Variants in TVP23C observed in about 807,000 individuals in gnomAD.
The protein encoded by TVP23C is trans-golgi network vesicle protein 23 homolog C, also known as Golgi apparatus membrane protein TVP23 homolog C.
Under a neutral mutation model 28.7 loss-of-function variants are expected in TVP23C, and 19 were observed. The ratio of observed to expected loss-of-function variants is 0.66; its 90% CI spans 0.46 to 0.97. The LOEUF (loss-of-function observed/expected upper bound fraction) is 0.97. Among genes scored for constraint, TVP23C ranks in the 50% least tolerant of loss-of-function variants. The pLI, the probability that TVP23C is intolerant of heterozygous loss-of-function variation, is 0.00. For synonymous variants in TVP23C, 68 were observed against 81.7 expected (o/e 0.83, Z 0.90); for missense variants, 186 against 241.3 (o/e 0.77, Z 1.52).
intron 3 of TVP23C, among the ~76,000 whole-genome samples, chr17:15,549,009 T>C (rs1441949255): frequency 6.6e-6 from 1 of 152,220 alleles, no homozygotes; most frequent in Non-Finnish European, 1.5e-5. Flanking sequence ...CCTCAGATAA[T>C]GGGGGAACTA....
chr17:15,506,071 C>T (rs1597500338), intron 5 of TVP23C, among the ~76,000 whole-genome samples: 1 of 152,254 alleles, frequency 6.6e-6, no homozygotes, highest in South Asian at 2.1e-4. Context: ...CTGAGGAGTG[C>T]GAGCGCACGG....
chr17:15,529,882 T>C (rs150361498), intron 5 of TVP23C, among the ~76,000 whole-genome samples: 7,805 of 152,148 alleles, frequency 0.051, 270 homozygotes, highest in Non-Finnish European at 0.072. Context: ...CACTGCAACC[T>C]CCGCCTCCTG....
In TVP23C at chr17:15,538,612, A is replaced by C; in HGVS notation, c.*1800T>G. 1.0e-6 allele frequency: 1 copy of C among 984,946 alleles called. No homozygotes were observed. Among genetic ancestry groups the C allele is most frequent in the Non-Finnish European group, 1.2e-6 (1 of 829,570 alleles). 61.0% of individuals were successfully genotyped at this position (984,946 alleles called of 1,614,324 possible). A position where few individuals can be genotyped will look rare whatever the true frequency, so the allele number is the denominator to read the frequency against. On this transcript the variant is annotated 3_prime_UTR_variant, in exon 6 of 6. Coordinates refer to ENST00000518321, the MANE Select transcript of TVP23C (RefSeq NM_001135036.2). ...TCTCAAAAAAAATAAATAAATAAAA[A>C]AGTAGACATGCGCTAATGAAGTAAA...
At position 15,503,151 on chromosome 17, in the gene TVP23C, C is replaced by T. The variant is rs372661113; in HGVS notation, c.544G>A (p.Gly182Arg). The T allele has an allele frequency of 4.4e-6, 7 of 1,602,208 alleles. No individual in the cohort carries two copies. In the African/African-American group the frequency reaches 8.0e-5, roughly 18 times the overall value. ...GGGCAGCGGCTCACGCCTGTTATCC[C>T]AGCGCTTTGGAAGGCGGAAGCGGGA... The change falls in exon 6 of 6, where the codon GGG becomes AGG. Residue 182 changes from glycine (G) to arginine (R), a missense_variant. Coordinates refer to the TVP23C transcript ENST00000225576.
At position 15,539,256 on chromosome 17, in the gene TVP23C, CATA is replaced by C. The variant is rs1686044432; in HGVS notation, c.*1153_*1155del. 1.0e-6 allele frequency: 1 copy of C among 985,214 alleles called. No homozygotes were observed. The highest frequency in any genetic ancestry group is 1.2e-6 in the Non-Finnish European group (1 of 829,880). 61.0% of individuals were successfully genotyped at this position (985,214 alleles called of 1,614,324 possible). A position where few individuals can be genotyped will look rare whatever the true frequency, so the allele number is the denominator to read the frequency against. On this transcript the variant is annotated 3_prime_UTR_variant, in exon 6 of 6. Transcript: ENST00000518321. The stretch of plus-strand genomic sequence containing the variant: ...TTCGAGTTTAAGAATCCCTGTCCTA[CATA>C]ATATCACTTGCCCAACCTACTGTAC...
At chr17:15,549,755 A>C (rs111983006) in intron 3 of TVP23C, among the ~76,000 whole-genome samples, 2 of 152,284 alleles carry the variant, frequency 1.3e-5, no homozygotes, top group East Asian at 1.9e-4. Context: ...GAGAGGCCTT[A>C]AGTTGTGAGG....
At chr17:15,528,077 TCTA>T (rs997133232) in intron 5 of TVP23C, among the ~76,000 whole-genome samples, 1 of 152,134 alleles carries the variant, frequency 6.6e-6, no homozygotes, top group Non-Finnish European at 1.5e-5. Flanking sequence ...TGTTGTTTTC[TCTA>T]CTGTTTTTCA....
intron 3 of TVP23C, among the ~76,000 whole-genome samples, chr17:15,551,212 C>T (rs963335707): frequency 4.0e-5 from 6 of 151,758 alleles, no homozygotes; most frequent in Non-Finnish European, 8.8e-5. Flanking sequence ...CCGCCTCCTG[C>T]CTCAGCCTCC....
At chr17:15,523,186 A>G (rs1982557752) in intron 5 of TVP23C, among the ~76,000 whole-genome samples, 1 of 150,094 alleles carries the variant, frequency 6.7e-6, no homozygotes, top group African/African-American at 2.5e-5. Context: ...TTGTATTTTA[A>G]TAGAGATGGG....
In TVP23C at chr17:15,542,334, G is replaced by T. The variant is rs1239714639; in HGVS notation, c.463-1773C>A. On this transcript the variant is annotated intron_variant, in intron 5 of 5. Transcript: ENST00000518321. Reference sequence around the variant, plus strand: ...ACCGGGTGGGAAGAAGGCAGGAGACGAAGCGCAGAAGGATCAATAATCATG... The same window carrying T: ...ACCGGGTGGGAAGAAGGCAGGAGACTAAGCGCAGAAGGATCAATAATCATG... Among the ~76,000 whole-genome samples the T allele has an allele frequency of 3.3e-5, 5 of 152,336 alleles. 1 individual carries two copies. In the South Asian group the frequency reaches 1.0e-3, roughly 32 times the overall value.
At chr17:15,551,683 A>AT (rs11369260) in intron 3 of TVP23C, among the ~76,000 whole-genome samples, 136,276 of 149,236 alleles carry the variant, frequency 0.91, 63,096 homozygotes, top group Non-Finnish European at 0.99. Flanking sequence ...TTTGTGTGCG[A>AT]TTTTTTTTTT....
chr17:15,524,386 A>G (rs1982631002), intron 5 of TVP23C, among the ~76,000 whole-genome samples: 1 of 152,176 alleles, frequency 6.6e-6, no homozygotes, highest in Non-Finnish European at 1.5e-5. Flanking sequence ...TAGGTACTTT[A>G]GAATAAAGAT....
chr17:15,525,473 G>A (rs1306555603), intron 5 of TVP23C, among the ~76,000 whole-genome samples: 2 of 152,294 alleles, frequency 1.3e-5, no homozygotes, highest in East Asian at 3.9e-4. Context: ...TTACTGTGTG[G>A]GAATGTCTCA....
chr17:15,553,857 T>C, intron 2 of TVP23C, 28 bp from the exon 3 acceptor site: 2 of 1,612,842 alleles, frequency 1.2e-6, no homozygotes, highest in Non-Finnish European at 1.7e-6. Flanking sequence ...ATGAAAGAAA[T>C]GCAATTACAT....
chr17:15,506,617 T>C (rs1981758124), intron 5 of TVP23C, among the ~76,000 whole-genome samples: 1 of 152,228 alleles, frequency 6.6e-6, no homozygotes, highest in African/African-American at 2.4e-5. Flanking sequence ...TAAATCTTGC[T>C]ACTGCTCACT....
chr17:15,534,332 A>G (rs1597525216), downstream of TVP23C, among the ~76,000 whole-genome samples: 1 of 152,346 alleles, frequency 6.6e-6, no homozygotes, highest in Admixed American at 6.5e-5. Flanking sequence ...AGAAATGTAG[A>G]ACAAATGGAA....
At chr17:15,547,926 T>C (rs1456774232) in intron 3 of TVP23C, among the ~76,000 whole-genome samples, 3 of 152,176 alleles carry the variant, frequency 2.0e-5, no homozygotes, top group Non-Finnish European at 2.9e-5. Context: ...TAATTAATGG[T>C]GTCCACTAAT....
chr17:15,532,416 T>C (rs923099956), downstream of TVP23C, among the ~76,000 whole-genome samples: 1 of 152,114 alleles, frequency 6.6e-6, no homozygotes, highest in African/African-American at 2.4e-5. Flanking sequence ...CAAACCTATC[T>C]TGGGGGGACT....
intron 3 of TVP23C, among the ~76,000 whole-genome samples, 160 bp from the exon 4 acceptor site, chr17:15,547,308 G>A (rs931914974): frequency 6.6e-6 from 1 of 152,170 alleles, no homozygotes; most frequent in Non-Finnish European, 1.5e-5. Flanking sequence ...CTGGCTAAAC[G>A]ATTAAGTAAA....
Sources: allele counts gnomAD v4.1 joint callset (sites outside exome capture counted in the v4.1 genomes callset), GRCh38; gene constraint gnomAD v4.1.1; transcripts MANE v1.5; gene names NCBI Gene and HGNC (gene_info 2026-07-23, HGNC 2026-07-21).